PHF8: variants seen among roughly 807,000 people sequenced by gnomAD.
PHF8 encodes PHD finger protein 8.
PHF8 carries 9 observed loss-of-function variants against 74.4 expected under a neutral mutation model. The observed-to-expected ratio is 0.12, with a 90% confidence interval of 0.07 to 0.21. The LOEUF (loss-of-function observed/expected upper bound fraction) is 0.21, where lower values mean the gene tolerates loss of function less well. Among genes scored for constraint, PHF8 ranks in the 10% least tolerant of loss-of-function variants. PHF8 has a pLI of 1.00. For missense variants in PHF8, 478 were observed against 816.6 expected, an observed-to-expected ratio of 0.59 and a Z score of 5.05; for synonymous variants, 311 against 316.6, an observed-to-expected ratio of 0.98 and a Z score of 0.19.
intron 18 of PHF8, among the ~76,000 whole-genome samples, chrX:53,965,017 TAA>T: frequency 8.9e-6 from 1 of 111,884 alleles, no homozygotes; most frequent in Admixed American, 9.5e-5. Context: ...TGAATATACT[TAA>T]TAGTACTGAA....
intron 2 of PHF8, among the ~76,000 whole-genome samples, chrX:54,026,413 CA>C (rs1304039998): frequency 1.8e-5 from 2 of 108,577 alleles, no homozygotes; most frequent in Non-Finnish European, 3.8e-5. Flanking sequence ...TGAAATTCCC[CA>C]CTCAACTCTC....
chrX:53,996,113 T>G (rs191723162), intron 11 of PHF8, among the ~76,000 whole-genome samples: 86 of 110,579 alleles, frequency 7.8e-4, no homozygotes, highest in African/African-American at 2.7e-3. Context: ...CTTAAAACAT[T>G]ATGAGACTTT....
chrX:54,011,833 C>T (rs2065985848), intron 7 of PHF8, among the ~76,000 whole-genome samples: 1 of 103,468 alleles, frequency 9.7e-6, no homozygotes. Flanking sequence ...TTGTGTTTTG[C>T]CTGGATAAAC....
intron 19 of PHF8, among the ~76,000 whole-genome samples, chrX:53,960,497 T>C (rs1557090414): frequency 9.2e-6 from 1 of 108,769 alleles, no homozygotes; most frequent in East Asian, 3.0e-4. Context: ...TACCTGTAAT[T>C]CCAGCACTTT....
intron 8 of PHF8, among the ~76,000 whole-genome samples, chrX:54,010,047 C>CT (rs1373472195): frequency 9.1e-6 from 1 of 109,571 alleles, no homozygotes; most frequent in Non-Finnish European, 1.9e-5. Context: ...GGTGCGGTGG[C>CT]TCACGCCTAT....
chrX:54,035,649 T>A (rs1557113888), intron 2 of PHF8, among the ~76,000 whole-genome samples: 3 of 110,116 alleles, frequency 2.7e-5, no homozygotes, highest in Non-Finnish European at 3.8e-5. Context: ...CAAAAAATTT[T>A]AAAAATTAGG....
At chrX:53,976,307 A>AAAAAT (rs1210360055) in intron 18 of PHF8, among the ~76,000 whole-genome samples, 4 of 110,212 alleles carry the variant, frequency 3.6e-5, no homozygotes, top group Admixed American at 9.8e-5. Context: ...TCTGTCTCAA[A>AAAAAT]AAAATAAAAT....
chrX:53,948,552 C>T (rs1216732882), intron 19 of PHF8, among the ~76,000 whole-genome samples: 1 of 110,863 alleles, frequency 9.0e-6, no homozygotes, highest in Admixed American at 9.6e-5. Context: ...GGATTACAGG[C>T]GTGAACCATC....
At position 53,967,168 on chromosome X, in the gene PHF8, C is replaced by T. The variant is rs868969627; in HGVS notation, c.2444-4229G>A. Reference sequence around the variant, plus strand: ...GGGGTCAGCCCCCCGCCCGGCCAGCCGCCCCGTCCGGGAGGTGAGGGGCGC... The same window carrying T: ...GGGGTCAGCCCCCCGCCCGGCCAGCTGCCCCGTCCGGGAGGTGAGGGGCGC... On this transcript the variant is annotated intron_variant, in intron 18 of 21. Coordinates refer to ENST00000338154, the MANE Select transcript of PHF8 (RefSeq NM_015107.3). Among the ~76,000 whole-genome samples the T allele has an allele frequency of 4.7e-3, 511 of 108,139 alleles. 3 individuals carry two copies. Among genetic ancestry groups the T allele is most frequent in the African/African-American group, 0.016 (465 of 28,535 alleles). 93.9% of individuals were successfully genotyped at this position (108,139 alleles called of 115,157 possible).
intron 13 of PHF8, chrX:53,993,109 A>C (rs1337289711): frequency 8.2e-6 from 3 of 367,964 alleles, no homozygotes; most frequent in Non-Finnish European, 1.4e-5. Flanking sequence ...GAGAATCACA[A>C]TCTTGAGGCA....
In PHF8 at chrX:53,987,067, C is replaced by A. The variant is rs781790872; in HGVS notation, c.1995+11G>T. On this transcript the variant is annotated intron_variant, in intron 16 of 21. Transcript: ENST00000338154. ...AATGAGCAGAAGACTAGATCCAGGG[C>A]AGAATCCTACCTCAATGTCAAACTC... 2.7e-6 allele frequency: 3 copies of A among 1,105,603 alleles called. No homozygotes were observed. Among genetic ancestry groups the A allele is most frequent in the Admixed American group, 2.2e-5 (1 of 45,472 alleles). The allele number at this position is 1,105,603 out of a possible 1,213,427, so 91.1% of individuals were successfully genotyped here. A position where few individuals can be genotyped will look rare whatever the true frequency, so the allele number is the denominator to read the frequency against.
chrX:53,957,356 C>A (rs782632359), intron 19 of PHF8, among the ~76,000 whole-genome samples: 49 of 107,920 alleles, frequency 4.5e-4, no homozygotes, highest in African/African-American at 1.6e-3. Flanking sequence ...TCTCAAAAAA[C>A]AAACAACAAA....
chrX:53,997,701 G>A (rs782466783), intron 11 of PHF8, among the ~76,000 whole-genome samples: 4 of 111,526 alleles, frequency 3.6e-5, no homozygotes, highest in Admixed American at 9.5e-5. Context: ...GGTCCATCCT[G>A]AGTCATGAGT....
chrX:53,962,780 A>G, intron 19 of PHF8, 64 bp downstream of exon 19: 1 of 626,875 alleles, frequency 1.6e-6, no homozygotes, highest in Non-Finnish European at 2.8e-6. Context: ...TAAATATCCC[A>G]CCTACCTTGT....
intron 8 of PHF8, among the ~76,000 whole-genome samples, chrX:54,007,221 T>C (rs1161489633): frequency 3.6e-5 from 4 of 111,471 alleles, no homozygotes; most frequent in Non-Finnish European, 7.5e-5. Context: ...AAGAAAGAAA[T>C]TGGACCCTTA....
chrX:53,998,707 A>C, intron 11 of PHF8, among the ~76,000 whole-genome samples: 1 of 111,463 alleles, frequency 9.0e-6, no homozygotes, highest in Middle Eastern at 4.7e-3. Flanking sequence ...CACCTTGACA[A>C]ATTTTGGAGA....
rs180728811 is a variant in PHF8, at chrX:53,941,037, C to A, written c.2650-521G>T. ...CTAACCAGGTCTATCTGAAGAGACA[C>A]CTTGCAAACTTCTCAAAGTGGAAAA... is the stretch of plus-strand genomic sequence containing the variant. On this transcript the variant is annotated intron_variant, in intron 20 of 21. Transcript: ENST00000338154. 1.3e-3 allele frequency among the ~76,000 whole-genome samples: 151 copies of A among 111,946 alleles called. 1 individual carries two copies. The highest frequency in any genetic ancestry group is 4.8e-3 in the African/African-American group (147 of 30,800).
intron 2 of PHF8, among the ~76,000 whole-genome samples, chrX:54,039,133 CA>C (rs61507959): frequency 0.21 from 9,103 of 42,466 alleles, 487 homozygotes; most frequent in African/African-American, 0.36. Context: ...GACTCTGTCT[CA>C]AAAAAAAAAA....
chrX:54,039,004 C>T (rs1481480871), intron 2 of PHF8, among the ~76,000 whole-genome samples: 3 of 109,101 alleles, frequency 2.7e-5, no homozygotes, highest in Admixed American at 1.0e-4. Context: ...TGTGGTGGCG[C>T]GCACCTGTAA....
Sources: gnomAD v4.1 joint callset for allele counts (sites outside exome capture counted in the v4.1 genomes callset) on GRCh38, gnomAD v4.1.1 for gene constraint, MANE v1.5 for transcripts, NCBI Gene and HGNC (gene_info 2026-07-23, HGNC 2026-07-21) for gene names.